The following SETD9 variants were observed in gnomAD, a reference collection of about 807,000 sequenced individuals.
SETD9 encodes SET domain containing 9.
In SETD9, 37 loss-of-function variants were observed where a neutral mutation model predicts 36.4. The observed-to-expected ratio is 1.02, with a 90% CI of 0.78 to 1.34. The LOEUF is 1.34. Ranked by LOEUF, SETD9 falls within the 40% of genes most tolerant of loss-of-function variation. The probability of loss-of-function intolerance (pLI) is 0.00; values close to 1 mark genes in which losing one functional copy is unlikely to be tolerated. For missense variants in SETD9, 323 were observed against 353.2 expected (o/e 0.91, Z 0.69); for synonymous variants, 128 against 132.9 (o/e 0.96, Z 0.26).
chr5:56,928,253 G>A (rs564244015), downstream of SETD9: 1 of 152,420 alleles, frequency 6.6e-6, no homozygotes, highest in East Asian at 1.9e-4. Flanking sequence ...GTAAGAGTAT[G>A]GTTGGTATTA....
chr5:56,916,854 C>A lies in SETD9; in HGVS notation c.852C>A (p.Ile284=). ...RCVVLVALRD[I]NQGEELFSNY... The stretch of plus-strand genomic sequence containing the variant: ...TTGTTCTTGTCGCACTTAGGGACAT[C>A]AATCAAGGAGAAGAGCTTTTTTCAA... The change falls in exon 6 of 6, where the codon ATC becomes ATA. Residue 284 remains isoleucine (I), a synonymous_variant. Transcript: ENST00000285947. The A allele has an allele frequency of 6.2e-7, 1 of 1,608,166 alleles. No homozygotes were observed. The highest frequency in any genetic ancestry group is 8.5e-7 in the Non-Finnish European group (1 of 1,177,956).
At chr5:56,912,388 G>A (rs1485274630) in intron 2 of SETD9, 1 of 371,828 alleles carries the variant, frequency 2.7e-6, no homozygotes, top group African/African-American at 2.2e-5. Flanking sequence ...GATAGACCCA[G>A]GTTTTTAAAA....
intron 1 of SETD9, chr5:56,910,071 C>T: frequency 7.9e-7 from 1 of 1,271,572 alleles, no homozygotes; most frequent in Non-Finnish European, 1.0e-6. Flanking sequence ...CGAGGCCGAG[C>T]TCGCCAGCCG....
intron 1 of SETD9, chr5:56,910,363 A>T: frequency 7.7e-7 from 1 of 1,304,172 alleles, no homozygotes; most frequent in South Asian, 1.2e-5. Flanking sequence ...CGCCACTCAA[A>T]AGCACGTCGG....
At chr5:56,926,293 G>A (rs11957276), downstream of SETD9, among the ~76,000 whole-genome samples, 26,137 of 151,624 alleles carry the variant, frequency 0.17, 2,915 homozygotes, top group Non-Finnish European at 0.23. Flanking sequence ...CACTGGCAAG[G>A]GAATAAAAAG....
chr5:56,912,744 T>C (rs1239838300), intron 2 of SETD9, among the ~76,000 whole-genome samples: 1 of 152,192 alleles, frequency 6.6e-6, no homozygotes, highest in Non-Finnish European at 1.5e-5. Context: ...TATACACATA[T>C]ACATATAAAT....
At chr5:56,928,746 G>A, downstream of SETD9, 4 of 1,544,120 alleles carry the variant, frequency 2.6e-6, no homozygotes, top group Non-Finnish European at 3.6e-6. Flanking sequence ...TAATTTATCT[G>A]TACTAATCTG....
downstream of SETD9, chr5:56,919,994 T>C (rs1473209260): frequency 6.6e-6 from 1 of 152,628 alleles, no homozygotes; most frequent in Non-Finnish European, 1.5e-5. Context: ...GGGCAAACAA[T>C]CTCCTTGGTG....
chr5:56,923,295 C>CT, intron 5 of SETD9: 1 of 1,614,174 alleles, frequency 6.2e-7, no homozygotes, highest in Non-Finnish European at 8.5e-7. Flanking sequence ...TTTACAGAAA[C>CT]TTCATTCATA....
chr5:56,917,255 G>C lies in SETD9; in HGVS notation c.*353G>C. On this transcript the variant is annotated 3_prime_UTR_variant, in exon 6 of 6. Coordinates refer to ENST00000285947, the MANE Select transcript of SETD9 (RefSeq NM_153706.4). ...ATAAAATTGTAGCCAGGCATCAGCA[G>C]TTCTTGTAGTACTGCTGATGTGTAC... The C allele has an allele frequency of 9.6e-7, 1 of 1,036,688 alleles. No homozygotes were observed. The allele number at this position is 1,036,688 out of a possible 1,614,324, so 64.2% of individuals were successfully genotyped here.
intron 1 of SETD9, chr5:56,909,945 G>A (rs995530370): frequency 8.8e-7 from 1 of 1,132,356 alleles, no homozygotes; most frequent in Non-Finnish European, 1.2e-6. Flanking sequence ...GGCCAGAGGC[G>A]GGCGGGGCCG....
chr5:56,915,789 C>A (rs1749395242), intron 5 of SETD9, among the ~76,000 whole-genome samples: 1 of 151,882 alleles, frequency 6.6e-6, no homozygotes, highest in African/African-American at 2.4e-5. Flanking sequence ...CATGACAAAA[C>A]CCCTTCTCTA....
chr5:56,922,632 A>G (rs899284666), intron 5 of SETD9: 2 of 154,350 alleles, frequency 1.3e-5, no homozygotes, highest in African/African-American at 4.8e-5. Context: ...ATAAAACCAA[A>G]AAAATGCTAC....
At position 56,909,655 on chromosome 5, in the gene SETD9, C is replaced by T; in HGVS notation, c.10C>T (p.Arg4Cys). MPG[R>C]LLRGLWQRWR... ...GCCCCGCGGGGCAGCCATGCCTGGC[C>T]GTCTGCTGCGGGGCCTGTGGCAGCG... The change falls in exon 1 of 6, where the codon CGT becomes TGT. Residue 4 changes from arginine (R) to cysteine (C), a missense_variant. Physicochemically the swap from Arg to Cys is radical, Grantham distance 180. Coordinates refer to ENST00000285947, the MANE Select transcript of SETD9 (RefSeq NM_153706.4). 1 of 1,607,424 alleles carries T rather than the reference C, an allele frequency of 6.2e-7. No individual in the cohort carries two copies. Among genetic ancestry groups the T allele is most frequent in the East Asian group, 2.3e-5 (1 of 44,226 alleles).
downstream of SETD9, chr5:56,919,926 GTCAATATTTTAT>G (rs944858450): frequency 3.1e-4 from 47 of 152,558 alleles, no homozygotes; most frequent in Admixed American, 2.9e-3. Context: ...ACATAGTAAC[GTCAATATTTTAT>G]AAATTATTTC....
At chr5:56,923,153 T>C in intron 5 of SETD9, 8 of 1,614,020 alleles carry the variant, frequency 5.0e-6, no homozygotes, top group Non-Finnish European at 6.8e-6. Flanking sequence ...GGCCGCGTGC[T>C]GATGCAGAGC....
intron 3 of SETD9, among the ~76,000 whole-genome samples, chr5:56,913,375 T>A (rs1749253239): frequency 1.3e-5 from 2 of 150,930 alleles, no homozygotes; most frequent in South Asian, 4.2e-4. Flanking sequence ...CTTCATTTTA[T>A]TATTTTTTTT....
chr5:56,909,948 C>A, intron 1 of SETD9: 2 of 1,132,000 alleles, frequency 1.8e-6, no homozygotes, highest in Non-Finnish European at 2.4e-6. Context: ...CAGAGGCGGG[C>A]GGGGCCGAGG....
At chr5:56,910,504 C>G (rs1334255549) in intron 1 of SETD9, 10 of 967,416 alleles carry the variant, frequency 1.0e-5, no homozygotes, top group African/African-American at 5.2e-5. Context: ...AATAGGGAAA[C>G]AAAGCGGTTT....
Sources: allele counts gnomAD v4.1 joint callset (sites outside exome capture counted in the v4.1 genomes callset), GRCh38; gene constraint gnomAD v4.1.1; transcripts MANE v1.5; gene names NCBI Gene and HGNC (gene_info 2026-07-23, HGNC 2026-07-21).